TPX2: variants seen among roughly 807,000 people sequenced by gnomAD.
The protein encoded by TPX2 is TPX2 microtubule nucleation factor, also known as targeting protein for Xklp2.
TPX2 carries 21 observed loss-of-function variants against 93.6 expected under a neutral mutation model. That is an observed-to-expected ratio of 0.22 (90% CI 0.16 to 0.32). The LOEUF is 0.32. TPX2 is among the 10% of genes least tolerant of loss of function. The pLI is 1.00. For synonymous variants in TPX2, 281 were observed against 298.3 expected (o/e 0.94, Z 0.60); for missense variants, 776 against 871.1 (o/e 0.89, Z 1.37).
intron 16 of TPX2, 86 bp from the exon 17 acceptor site, chr20:31,798,279 T>C: frequency 6.6e-7 from 1 of 1,517,824 alleles, no homozygotes; most frequent in Non-Finnish European, 9.1e-7. Context: ...TTAGTGTGCA[T>C]GTCTGTGCCA....
chr20:31,781,351 C>T (rs183685705), intron 10 of TPX2, among the ~76,000 whole-genome samples: 65 of 150,344 alleles, frequency 4.3e-4, no homozygotes, highest in African/African-American at 1.5e-3. Flanking sequence ...CTGCATGCTC[C>T]GCCTTCCAGG....
At chr20:31,792,688 G>A (rs1429751550) in intron 12 of TPX2, 47 bp from the exon 13 acceptor site, 5 of 1,512,338 alleles carry the variant, frequency 3.3e-6, no homozygotes, top group Non-Finnish European at 4.6e-6. Context: ...ATACAGCTTA[G>A]TGGAGATCAT....
rs1365278470 is a variant in TPX2, at chr20:31,800,857, G to C, written c.2134-113G>C. On this transcript the variant is annotated intron_variant, in intron 17 of 17. Coordinates refer to ENST00000300403, the MANE Select transcript of TPX2 (RefSeq NM_012112.5). ...CCCACTCCCCACACCTGAAACTAGTGACTGGGACCTGTAAAACTCTACAAA... is the reference window on the plus strand; with the variant it reads ...CCCACTCCCCACACCTGAAACTAGTCACTGGGACCTGTAAAACTCTACAAA... 6 of 869,006 alleles carry C rather than the reference G, an allele frequency of 6.9e-6. No individual in the cohort carries two copies. The African/African-American group carries it at 1.0e-4, about 14-fold the overall frequency. The allele number at this position is 869,006 out of a possible 1,614,324, so 53.8% of individuals were successfully genotyped here. A position where few individuals can be genotyped will look rare whatever the true frequency, so the allele number is the denominator to read the frequency against.
intron 14 of TPX2, 132 bp downstream of exon 14, chr20:31,794,156 A>C: frequency 1.8e-6 from 2 of 1,108,988 alleles, no homozygotes; most frequent in Non-Finnish European, 2.5e-6. Context: ...TAAAATATAA[A>C]TGGGACAAGT....
At chr20:31,783,375 C>A (rs190120890) in intron 11 of TPX2, among the ~76,000 whole-genome samples, 56 of 152,084 alleles carry the variant, frequency 3.7e-4, no homozygotes, top group African/African-American at 1.3e-3. Context: ...CTCAGCCTCC[C>A]TAGTAGCTGG....
At position 31,792,956 on chromosome 20, in the gene TPX2, G is replaced by A; in HGVS notation, c.1509+126G>A. ...CTTTTTTGGACTTGTCTTTAAGAAT[G>A]GGTATGAACATTTGTTCATTTTTTT... is the stretch of plus-strand genomic sequence containing the variant. On this transcript the variant is annotated intron_variant, in intron 13 of 17. Transcript: ENST00000300403. The A allele has an allele frequency of 8.7e-6, 7 of 802,626 alleles. No individual in the cohort carries two copies. The South Asian group carries it at 1.1e-4, about 13-fold the overall frequency. 49.7% of individuals were successfully genotyped at this position (802,626 alleles called of 1,614,324 possible). A position where few individuals can be genotyped will look rare whatever the true frequency, so the allele number is the denominator to read the frequency against.
intron 5 of TPX2, among the ~76,000 whole-genome samples, chr20:31,767,753 G>A (rs934601638): frequency 1.3e-5 from 2 of 151,916 alleles, no homozygotes; most frequent in South Asian, 2.1e-4. Flanking sequence ...AAGGTTTTAC[G>A]ATGTTGCCTA....
chr20:31,746,106 C>T (rs6060922), intron 2 of TPX2, among the ~76,000 whole-genome samples: 56,356 of 151,984 alleles, frequency 0.37, 12,587 homozygotes, highest in African/African-American at 0.61. Context: ...GAGTGTTGGA[C>T]AGTGAGGGAT....
intron 12 of TPX2, among the ~76,000 whole-genome samples, chr20:31,784,754 C>T (rs1409958147): frequency 6.6e-6 from 1 of 152,116 alleles, no homozygotes; most frequent in Non-Finnish European, 1.5e-5. Context: ...AGGCTCACAA[C>T]CACAAGTTTA....
chr20:31,765,425 C>A (rs894095821), intron 4 of TPX2, among the ~76,000 whole-genome samples: 1 of 151,688 alleles, frequency 6.6e-6, no homozygotes, highest in Non-Finnish European at 1.5e-5. Context: ...ATCCCTACCC[C>A]CTGTCCTTTT....
intron 2 of TPX2, among the ~76,000 whole-genome samples, chr20:31,755,060 T>C (rs982313365): frequency 6.6e-6 from 1 of 152,170 alleles, no homozygotes; most frequent in Non-Finnish European, 1.5e-5. Context: ...GGGATTCTTA[T>C]GCCTCAGCCT....
At chr20:31,799,265 A>G (rs554131301) in intron 17 of TPX2, among the ~76,000 whole-genome samples, 8 of 152,356 alleles carry the variant, frequency 5.3e-5, no homozygotes, top group East Asian at 1.9e-4. Context: ...ACAGTTTTAG[A>G]TGGAACTTCG....
chr20:31,747,450 C>G (rs2061790923), intron 2 of TPX2, among the ~76,000 whole-genome samples: 1 of 151,850 alleles, frequency 6.6e-6, no homozygotes, highest in African/African-American at 2.4e-5. Flanking sequence ...GTCTGTCTGT[C>G]TGTCTGTCTG....
chr20:31,800,970 G>T lies in TPX2; in HGVS notation c.2134G>T (p.Val712Leu). 1 of 1,613,180 alleles carries T rather than the reference G, an allele frequency of 6.2e-7. No homozygotes were observed. The highest frequency in any genetic ancestry group is 1.1e-5 in the South Asian group (1 of 91,028). ...EELARLRRELVHKANPIRKYQ... is the reference protein window; with the variant it reads ...EELARLRRELLHKANPIRKYQ... ...CTGGTAACTTTTCCTTACTTTGCAG[G>T]TGCATAAGGCAAATCCAATACGCAA... The change falls in exon 18 of 18, where the codon GTG (valine) becomes TTG (leucine). Residue 712 changes from valine (V) to leucine (L), a missense_variant and splice_region_variant. This residue lies in a region of TPX2 where 461 missense variants were observed against 551.2 expected (regional missense o/e 0.84). Coordinates refer to ENST00000300403, the MANE Select transcript of TPX2 (RefSeq NM_012112.5).
intron 5 of TPX2, among the ~76,000 whole-genome samples, chr20:31,768,255 T>G (rs974094618): frequency 7.1e-5 from 10 of 141,008 alleles, no homozygotes; most frequent in Non-Finnish European, 1.5e-5. Context: ...TTTTTTTTTT[T>G]CAGACGAGTC....
At position 31,782,812 on chromosome 20, in the gene TPX2, A is replaced by G. The variant is rs117286769; in HGVS notation, c.1196+422A>G. Among the ~76,000 whole-genome samples the G allele has an allele frequency of 5.3e-4, 80 of 152,044 alleles. 2 individuals carry two copies. In the East Asian group the frequency reaches 0.012, roughly 22 times the overall value. ...GGGGCAGCCTGAACCCAGGAGGTCA[A>G]TGCTTCAGTGAGCCAAGATCACGCC... On this transcript the variant is annotated intron_variant, in intron 11 of 17. Coordinates refer to ENST00000300403, the MANE Select transcript of TPX2 (RefSeq NM_012112.5).
At chr20:31,790,478 C>T (rs1331689677) in intron 12 of TPX2, among the ~76,000 whole-genome samples, 1 of 152,124 alleles carries the variant, frequency 6.6e-6, no homozygotes, top group Non-Finnish European at 1.5e-5. Flanking sequence ...GGAACTAAAA[C>T]TTCTGAGTAG....
rs764501401 is a variant in TPX2, at chr20:31,777,571, C to G, written c.815C>G (p.Pro272Arg). 12 of 1,613,992 alleles carry G rather than the reference C, an allele frequency of 7.4e-6. No individual in the cohort carries two copies. The highest frequency in any genetic ancestry group is 3.3e-5 in the Admixed American group (2 of 60,000). The change falls in exon 9 of 18, where the codon CCT becomes CGT. Residue 272 changes from proline (P) to arginine (R), a missense_variant. Physicochemically the swap from Pro to Arg is moderately radical, Grantham distance 103 (BLOSUM62 -2). Around this residue, in one of 3 missense-constraint regions of TPX2, gnomAD observed 279 missense variants for 261.6 expected, o/e 1.07. Transcript: ENST00000300403. ...ACAGATGAGCGAATCAAACAACATCCTAAGAACCAGGAGGAATATAAGGAA... is the reference window on the plus strand; with the variant it reads ...ACAGATGAGCGAATCAAACAACATCGTAAGAACCAGGAGGAATATAAGGAA... Reference protein sequence around the residue: ...FRTDERIKQHPKNQEEYKEVN... With the variant: ...FRTDERIKQHRKNQEEYKEVN...
At chr20:31,777,665 T>A in intron 9 of TPX2, 27 bp downstream of exon 9, 1 of 1,604,750 alleles carries the variant, frequency 6.2e-7, no homozygotes, top group Non-Finnish European at 8.5e-7. Flanking sequence ...AATGAACATT[T>A]CTGTTACTAA....
Sources: gnomAD v4.1 joint callset for allele counts (sites outside exome capture counted in the v4.1 genomes callset) on GRCh38, gnomAD v4.1.1 for gene constraint, gnomAD v4.1.1 regional missense constraint, MANE v1.5 for transcripts, NCBI Gene and HGNC (gene_info 2026-07-23, HGNC 2026-07-21) for gene names.